NRG1: variants seen among roughly 807,000 people sequenced by gnomAD.
The protein encoded by NRG1 is neuregulin 1.
A neutral mutation model predicts 63.8 loss-of-function variants in NRG1; 18 were observed. The observed-to-expected ratio is 0.28, with a 90% CI of 0.19 to 0.42. The LOEUF is 0.42. NRG1 is among the 10% of genes least tolerant of loss of function. The pLI is 1.00. For missense variants in NRG1, 762 were observed against 814.7 expected (o/e 0.94, Z 0.79); for synonymous variants, 302 against 301.3 (o/e 1.00, Z -0.02).
intron 1 of NRG1, among the ~76,000 whole-genome samples, chr8:31,656,312 G>A (rs1177171518): frequency 6.6e-6 from 1 of 152,196 alleles, no homozygotes; most frequent in Non-Finnish European, 1.5e-5. Flanking sequence ...TGGAAGAGGA[G>A]GAAGACAGAG....
chr8:32,349,281 T>A lies in NRG1; in HGVS notation c.38-246547T>A, dbSNP rs1805293457. On this transcript the variant is annotated intron_variant, in intron 1 of 10. Transcript: ENST00000519301. ...ACAGGATATATCTTGGCAGACTACATGGATATGAAAATTTCAAATCTTCCC... is the reference window on the plus strand; with the variant it reads ...ACAGGATATATCTTGGCAGACTACAAGGATATGAAAATTTCAAATCTTCCC... 2.6e-5 allele frequency among the ~76,000 whole-genome samples: 4 copies of A among 152,352 alleles called. No individual in the cohort carries two copies. The South Asian group carries it at 8.3e-4, about 32-fold the overall frequency.
chr8:31,703,353 C>A (rs1034737991), intron 1 of NRG1, among the ~76,000 whole-genome samples: 41 of 151,324 alleles, frequency 2.7e-4, no homozygotes, highest in Non-Finnish European at 4.0e-4. Context: ...TTTTGAAGGC[C>A]AACAATTAAA....
At chr8:32,594,556 A>G (rs2129537008) in intron 1 of NRG1, among the ~76,000 whole-genome samples, 1 of 152,334 alleles carries the variant, frequency 6.6e-6, no homozygotes. Flanking sequence ...TTCCACAGTT[A>G]TCAGCTTCTT....
intron 5 of NRG1, among the ~76,000 whole-genome samples, chr8:32,670,484 AT>A (rs1265765962): frequency 5.9e-5 from 9 of 152,058 alleles, no homozygotes; most frequent in African/African-American, 1.9e-4. Context: ...TTTGGGAGTT[AT>A]TCCGTTCTTA....
At chr8:32,522,282 T>C (rs1395541647) in intron 1 of NRG1, among the ~76,000 whole-genome samples, 1 of 152,224 alleles carries the variant, frequency 6.6e-6, no homozygotes, top group African/African-American at 2.4e-5. Flanking sequence ...GGGACCTCAT[T>C]GTGGGCTAAG....
intron 1 of NRG1, among the ~76,000 whole-genome samples, chr8:32,377,150 A>G (rs1312540554): frequency 1.3e-5 from 2 of 152,230 alleles, no homozygotes; most frequent in African/African-American, 2.4e-5. Context: ...CAGTGCACAT[A>G]GAGTGTTCAA....
At chr8:32,678,788 A>C (rs1807850409) in intron 5 of NRG1, among the ~76,000 whole-genome samples, 1 of 152,216 alleles carries the variant, frequency 6.6e-6, no homozygotes, top group Non-Finnish European at 1.5e-5. Flanking sequence ...TATCACATGC[A>C]CAGCACCCAG....
At chr8:31,764,906 G>C (rs7842392) in intron 1 of NRG1, among the ~76,000 whole-genome samples, 119,956 of 124,084 alleles carry the variant, frequency 0.97, 58,109 homozygotes, top group East Asian at 1. Context: ...CACCCCACAA[G>C]GGTCCCCAGA....
chr8:32,063,700 A>G (rs185329761), intron 1 of NRG1, among the ~76,000 whole-genome samples: 110 of 152,270 alleles, frequency 7.2e-4, no homozygotes, highest in African/African-American at 2.1e-3. Context: ...AAGATCTTTA[A>G]GATGGAGAGC....
intron 1 of NRG1, among the ~76,000 whole-genome samples, chr8:32,506,581 CA>C (rs755529866): frequency 6.6e-6 from 1 of 152,152 alleles, no homozygotes; most frequent in Non-Finnish European, 1.5e-5. Context: ...CCAAAAATCA[CA>C]AAAGTCGCAA....
intron 1 of NRG1, among the ~76,000 whole-genome samples, chr8:31,953,948 T>C (rs1803916255): frequency 6.6e-6 from 1 of 152,246 alleles, no homozygotes; most frequent in Non-Finnish European, 1.5e-5. Flanking sequence ...TAAACCTTTT[T>C]GTGCCTTAGT....
intron 1 of NRG1, among the ~76,000 whole-genome samples, chr8:32,107,460 A>C (rs898858361): frequency 6.6e-6 from 1 of 152,214 alleles, no homozygotes. Flanking sequence ...GAGAATTTTC[A>C]TGGGGAAAAT....
exon 10 of NRG1, chr8:32,759,355 A>T: frequency 6.2e-7 from 1 of 1,613,962 alleles, no homozygotes; most frequent in Non-Finnish European, 8.5e-7. Flanking sequence ...GTTGAGAGAG[A>T]AGCAGAGACA....
intron 1 of NRG1, among the ~76,000 whole-genome samples, chr8:32,079,198 G>A (rs919901787): frequency 2.5e-4 from 37 of 147,336 alleles, no homozygotes; most frequent in Admixed American, 1.3e-3. Context: ...CACATACAAG[G>A]GGTCATACTT....
chr8:32,512,756 A>AAGGCACC (rs1334170100), intron 1 of NRG1, among the ~76,000 whole-genome samples: 3 of 152,146 alleles, frequency 2.0e-5, no homozygotes, highest in Non-Finnish European at 2.9e-5. Context: ...GGTACAATGG[A>AAGGCACC]TGCTTTACGT....
rs557802546 is a variant in NRG1, at chr8:31,816,328, C to T, written c.37+176897C>T. On this transcript the variant is annotated intron_variant, in intron 1 of 10. Transcript: ENST00000519301. ...TCATTTCTATCCTCTCTTCCGATGA[C>T]GGTCTACCCCACAGATCCTAAGCCA... Among the ~76,000 whole-genome samples the T allele has an allele frequency of 2.0e-4, 30 of 152,270 alleles. No homozygotes were observed. The South Asian group carries it at 3.3e-3, about 17-fold the overall frequency.
intron 1 of NRG1, among the ~76,000 whole-genome samples, chr8:32,512,374 A>G (rs771086237): frequency 2.0e-5 from 3 of 152,252 alleles, no homozygotes; most frequent in Non-Finnish European, 2.9e-5. Context: ...TTGGGATAAC[A>G]GAATGGTAAA....
At chr8:32,459,499 G>C (rs1420418194) in intron 1 of NRG1, among the ~76,000 whole-genome samples, 1 of 151,618 alleles carries the variant, frequency 6.6e-6, no homozygotes, top group Non-Finnish European at 1.5e-5. Flanking sequence ...AGCCAAGTGT[G>C]GTGGCTCCCA....
chr8:32,297,194 A>G (rs1366886142), intron 1 of NRG1, among the ~76,000 whole-genome samples: 1 of 152,106 alleles, frequency 6.6e-6, no homozygotes, highest in East Asian at 1.9e-4. Flanking sequence ...CTAAAATTTA[A>G]TTTAAAAATT....
Sources: allele counts gnomAD v4.1 joint callset (sites outside exome capture counted in the v4.1 genomes callset), GRCh38; gene constraint gnomAD v4.1.1; transcripts MANE v1.5; gene names NCBI Gene and HGNC (gene_info 2026-07-23, HGNC 2026-07-21).